AGAP1: variants seen among roughly 807,000 people sequenced by gnomAD.
AGAP1 encodes ArfGAP with GTPase domain, ankyrin repeat and PH domain 1.
Under a neutral mutation model 105.3 loss-of-function variants are expected in AGAP1, and 29 were observed. The ratio of observed to expected loss-of-function variants is 0.28; its 90% CI spans 0.21 to 0.38. The LOEUF (loss-of-function observed/expected upper bound fraction) is 0.38. AGAP1 is among the 10% of genes least tolerant of loss of function. The probability of loss-of-function intolerance (pLI) is 1.00; values close to 1 mark genes in which losing one functional copy is unlikely to be tolerated. For synonymous variants in AGAP1, 509 were observed against 485.9 expected (o/e 1.05, Z -0.63); for missense variants, 998 against 1,165.1 (o/e 0.86, Z 2.09).
chr2:235,813,685 T>A (rs1374896845), intron 9 of AGAP1, among the ~76,000 whole-genome samples: 7 of 152,212 alleles, frequency 4.6e-5, no homozygotes, highest in Admixed American at 4.6e-4. Context: ...AGTGTGCTTT[T>A]CGGTTTGGCT....
rs569698482 is a variant in AGAP1, at chr2:235,787,122, G to A, written c.674-10637G>A. Among the ~76,000 whole-genome samples the A allele has an allele frequency of 1.1e-3, 168 of 152,284 alleles. 1 individual carries two copies. Among genetic ancestry groups the A allele is most frequent in the African/African-American group, 3.7e-3 (155 of 41,558 alleles). ...CACAGGCTTGTGATCAGTGGGCTCC[G>A]GTTCTCACTTCTTGTCTTTGAGTTC... On this transcript the variant is annotated intron_variant, in intron 6 of 17. Coordinates refer to ENST00000304032, the MANE Select transcript of AGAP1 (RefSeq NM_001037131.3). The surrounding 1 kb of genome is among the most constrained non-coding windows in gnomAD (Gnocchi z 4.4).
At chr2:235,658,550 G>A (rs1293334767) in intron 1 of AGAP1, among the ~76,000 whole-genome samples, 2 of 152,316 alleles carry the variant, frequency 1.3e-5, no homozygotes, top group East Asian at 1.9e-4. Flanking sequence ...CAGAGTGTCC[G>A]GGTGAGAGGG....
intron 9 of AGAP1, among the ~76,000 whole-genome samples, chr2:235,868,961 G>A (rs2049309122): frequency 6.6e-6 from 1 of 152,142 alleles, no homozygotes; most frequent in Non-Finnish European, 1.5e-5. Flanking sequence ...GTGCCTGCCT[G>A]GAATCCTGAT....
chr2:235,861,457 C>T (rs2048924687), intron 9 of AGAP1, among the ~76,000 whole-genome samples: 1 of 152,218 alleles, frequency 6.6e-6, no homozygotes, highest in South Asian at 2.1e-4. Flanking sequence ...TTGTTGATAG[C>T]AACAGCATGC....
At chr2:235,738,804 T>A (rs1474498244) in intron 3 of AGAP1, among the ~76,000 whole-genome samples, 1 of 152,126 alleles carries the variant, frequency 6.6e-6, no homozygotes, top group African/African-American at 2.4e-5. Context: ...GTGATCCACC[T>A]GCCTCGGCCT....
chr2:235,916,269 T>C (rs151180725), intron 11 of AGAP1, among the ~76,000 whole-genome samples: 1,905 of 152,314 alleles, frequency 0.013, 31 homozygotes, highest in African/African-American at 0.043. Context: ...CATTATCCAC[T>C]TCCATTCTTT....
At chr2:235,653,912 C>A (rs1038677637) in intron 1 of AGAP1, among the ~76,000 whole-genome samples, 1 of 152,032 alleles carries the variant, frequency 6.6e-6, no homozygotes, top group Non-Finnish European at 1.5e-5. Flanking sequence ...CAAAATTAGC[C>A]GGGAGTGGTG....
chr2:235,573,037 TTCTTCTTCTTCTTCTTCTTC>T (rs1944605488), intron 1 of AGAP1, among the ~76,000 whole-genome samples: 1 of 45,806 alleles, frequency 2.2e-5, no homozygotes, highest in Non-Finnish European at 3.7e-5. Flanking sequence ...CTTCTTCTTC[TTCTTCTTCTTCTTCTTCTTC>T]TTCTTTCTTC....
intron 9 of AGAP1, among the ~76,000 whole-genome samples, chr2:235,856,554 G>A (rs957477647): frequency 4.6e-5 from 7 of 152,242 alleles, no homozygotes; most frequent in Admixed American, 3.3e-4. Context: ...CCGAAGGTCC[G>A]TTAATGTCCT....
At position 236,087,105 on chromosome 2, in the gene AGAP1, CTGAAT is replaced by C. The variant is rs1214767296; in HGVS notation, c.2115-33086_2115-33082del. 2.6e-5 allele frequency among the ~76,000 whole-genome samples: 4 copies of C among 152,176 alleles called. No homozygotes were observed. The highest frequency in any genetic ancestry group is 5.9e-5 in the Non-Finnish European group (4 of 68,040). ...GGAGCAGAAGGGACACACACTCCCT[CTGAAT>C]AGCTCCCTAAAAACAGAGCTGAAAA... On this transcript the variant is annotated intron_variant, in intron 16 of 17. Transcript: ENST00000304032. The surrounding 1 kb of genome is among the most constrained non-coding windows in gnomAD (Gnocchi z 5.7).
At position 235,864,519 on chromosome 2, in the gene AGAP1, G is replaced by A. The variant is rs995755672; in HGVS notation, c.1051-18826G>A. ...TGGTTGAGCGTTTCCGCTCCACTGCGCGGCCCCGGAGCCCCCAAACGCAGG... is the reference window on the plus strand; with the variant it reads ...TGGTTGAGCGTTTCCGCTCCACTGCACGGCCCCGGAGCCCCCAAACGCAGG... On this transcript the variant is annotated intron_variant, in intron 9 of 17. Transcript: ENST00000304032. This position sits in a 1 kb window ranked among gnomAD's most constrained non-coding sequence, Gnocchi z 5.0. Among the ~76,000 whole-genome samples, 12 of 152,170 alleles carry A rather than the reference G, an allele frequency of 7.9e-5. No homozygotes were observed. Among genetic ancestry groups the A allele is most frequent in the Non-Finnish European group, 1.6e-4 (11 of 68,024 alleles).
At chr2:235,603,392 T>A (rs894677441) in intron 1 of AGAP1, among the ~76,000 whole-genome samples, 2 of 152,202 alleles carry the variant, frequency 1.3e-5, no homozygotes, top group African/African-American at 2.4e-5. Flanking sequence ...GCACCTACTG[T>A]ATTTGTTTTC....
At chr2:235,826,601 C>T (rs1351394185) in intron 9 of AGAP1, among the ~76,000 whole-genome samples, 1 of 152,088 alleles carries the variant, frequency 6.6e-6, no homozygotes, top group Admixed American at 6.5e-5. Context: ...AGGCGCCCGC[C>T]ACCACACCCA....
Position 236,058,554 on chromosome 2 carries a change from C to T in AGAP1, c.2114+9273C>T, listed in dbSNP as rs1306855506. ...TTCATGGTAACAAACACTCAGCAAA[C>T]TAGAAATAAAAGGAAACTTGCTGAA... On this transcript the variant is annotated intron_variant, in intron 16 of 17. Coordinates refer to ENST00000304032, the MANE Select transcript of AGAP1 (RefSeq NM_001037131.3). The surrounding 1 kb of genome is among the most constrained non-coding windows in gnomAD (Gnocchi z 4.6). Among the ~76,000 whole-genome samples, 3 of 152,116 alleles carry T rather than the reference C, an allele frequency of 2.0e-5. No individual in the cohort carries two copies. Among genetic ancestry groups the T allele is most frequent in the African/African-American group, 7.2e-5 (3 of 41,408 alleles).
chr2:236,088,796 A>G (rs1010831493), intron 16 of AGAP1, among the ~76,000 whole-genome samples: 11 of 152,200 alleles, frequency 7.2e-5, no homozygotes, highest in Admixed American at 2.0e-4. Context: ...TCACGAATCT[A>G]TGTATCCTTC....
At chr2:235,593,304 G>C (rs931430692) in intron 1 of AGAP1, among the ~76,000 whole-genome samples, 1 of 152,188 alleles carries the variant, frequency 6.6e-6, no homozygotes, top group Non-Finnish European at 1.5e-5. Flanking sequence ...GCAGAGACCC[G>C]AGACTGAGCT....
At position 235,842,149 on chromosome 2, in the gene AGAP1, C is replaced by T. The variant is rs1960934960; in HGVS notation, c.1050+34818C>T. Among the ~76,000 whole-genome samples, 4 of 152,314 alleles carry T rather than the reference C, an allele frequency of 2.6e-5. No individual in the cohort carries two copies. The highest frequency in any genetic ancestry group is 1.3e-4 in the Admixed American group (2 of 15,306). On this transcript the variant is annotated intron_variant, in intron 9 of 17. Transcript: ENST00000304032. The surrounding 1 kb of genome is among the most constrained non-coding windows in gnomAD (Gnocchi z 5.3). ...CTGCTGGCGTTGGGCTTCCTCCGCT[C>T]CTGGTTTCTTAGTTCTGGAGCACAG...
intron 12 of AGAP1, among the ~76,000 whole-genome samples, chr2:235,943,096 T>C (rs900157081): frequency 6.6e-6 from 1 of 152,248 alleles, no homozygotes; most frequent in African/African-American, 2.4e-5. Context: ...GATTTTATAA[T>C]GTACATTTTG....
chr2:235,646,318 C>G (rs1016868313), intron 1 of AGAP1, among the ~76,000 whole-genome samples: 17 of 150,602 alleles, frequency 1.1e-4, no homozygotes, highest in Non-Finnish European at 1.8e-4. Flanking sequence ...AGAAAAGGAG[C>G]CATCTTAAGA....
Sources: gnomAD v4.1 joint callset for allele counts (sites outside exome capture counted in the v4.1 genomes callset) on GRCh38, gnomAD v4.1.1 for gene constraint, Gnocchi (gnomAD v3.1) non-coding constraint, MANE v1.5 for transcripts, NCBI Gene and HGNC (gene_info 2026-07-23, HGNC 2026-07-21) for gene names.